The following DIAPH1 variants were observed in gnomAD, a reference collection of about 807,000 sequenced individuals.
DIAPH1 encodes diaphanous related formin 1.
A neutral mutation model predicts 140.7 loss-of-function variants in DIAPH1; 46 were observed. That is an observed-to-expected ratio of 0.33 (90% CI 0.26 to 0.42). DIAPH1 has a LOEUF of 0.42. DIAPH1 is among the 10% of genes least tolerant of loss of function. DIAPH1 has a pLI of 1.00. For synonymous variants in DIAPH1, 565 were observed against 551.6 expected, an observed-to-expected ratio of 1.02 and a Z score of -0.34; for missense variants, 1,310 against 1,558.7, an observed-to-expected ratio of 0.84 and a Z score of 2.69.
Position 141,601,141 on chromosome 5 carries a change from G to A in DIAPH1, c.118-12891C>T, listed in dbSNP as rs571642532. Among the ~76,000 whole-genome samples the A allele has an allele frequency of 7.2e-5, 11 of 151,848 alleles. No homozygotes were observed. The East Asian group carries it at 9.7e-4, about 13-fold the overall frequency. On this transcript the variant is annotated intron_variant, in intron 1 of 27. Coordinates refer to ENST00000389054, the MANE Select transcript of DIAPH1 (RefSeq NM_005219.5). ...CACCTAATGTAAATTACAAGTTAAC[G>A]GGTGCAGCACACCAACATGGCACAT...
At chr5:141,574,653 G>T (rs573026052) in intron 15 of DIAPH1, among the ~76,000 whole-genome samples, 2 of 152,078 alleles carry the variant, frequency 1.3e-5, no homozygotes, top group East Asian at 3.9e-4. Flanking sequence ...TAAAATAACA[G>T]GAAATTAGTC....
chr5:141,558,815 C>T (rs2099893063), intron 18 of DIAPH1, among the ~76,000 whole-genome samples: 1 of 151,472 alleles, frequency 6.6e-6, no homozygotes, highest in Non-Finnish European at 1.5e-5. Context: ...ATGGTTGCCA[C>T]TACTTAAATG....
intron 18 of DIAPH1, among the ~76,000 whole-genome samples, chr5:141,541,440 C>T (rs2154595378): frequency 6.6e-6 from 1 of 152,122 alleles, no homozygotes; most frequent in Admixed American, 6.5e-5. Context: ...GTAATCCCAG[C>T]ACTTTGGGAG....
At chr5:141,521,848 A>G (rs1485685549) in intron 27 of DIAPH1, among the ~76,000 whole-genome samples, 1 of 152,076 alleles carries the variant, frequency 6.6e-6, no homozygotes, top group African/African-American at 2.4e-5. Context: ...TCTCCTCTTA[A>G]TCCTGTTGTC....
At chr5:141,590,173 A>G (rs1269242080) in intron 1 of DIAPH1, among the ~76,000 whole-genome samples, 1 of 152,216 alleles carries the variant, frequency 6.6e-6, no homozygotes, top group Non-Finnish European at 1.5e-5. Context: ...CGTTCCCCAT[A>G]TAACACAATT....
intron 18 of DIAPH1, among the ~76,000 whole-genome samples, chr5:141,543,787 C>A (rs1355859900): frequency 6.6e-6 from 1 of 152,120 alleles, no homozygotes; most frequent in African/African-American, 2.4e-5. Flanking sequence ...AGCATCTGTA[C>A]ACACACAAAA....
chr5:141,552,904 T>C (rs982474573), intron 18 of DIAPH1, among the ~76,000 whole-genome samples: 1 of 152,160 alleles, frequency 6.6e-6, no homozygotes, highest in African/African-American at 2.4e-5. Context: ...CCTCCAGAAC[T>C]GTGAGAAATA....
intron 1 of DIAPH1, among the ~76,000 whole-genome samples, chr5:141,594,016 G>C (rs1301016715): frequency 6.6e-6 from 1 of 152,104 alleles, no homozygotes; most frequent in Non-Finnish European, 1.5e-5. Flanking sequence ...GGCTGGTCTG[G>C]AACTCCTGAC....
At chr5:141,542,801 C>T (rs1269598198) in intron 18 of DIAPH1, among the ~76,000 whole-genome samples, 2 of 152,094 alleles carry the variant, frequency 1.3e-5, no homozygotes, top group Non-Finnish European at 2.9e-5. Context: ...TATGAGTATA[C>T]CAAATGCCAC....
rs1450707627 is a variant in DIAPH1, at chr5:141,598,410, A to C, written c.118-10160T>G. Among the ~76,000 whole-genome samples, 2 of 152,238 alleles carry C rather than the reference A, an allele frequency of 1.3e-5. 1 individual carries two copies. Among genetic ancestry groups the C allele is most frequent in the Admixed American group, 1.3e-4 (2 of 15,288 alleles). ...AAAATGAGCTTCTCTTCTCCAAAAG[A>C]TTCTCAGTGCTATCAAATCTTACTT... On this transcript the variant is annotated intron_variant, in intron 1 of 27. Transcript: ENST00000389054.
At chr5:141,521,486 T>C (rs2099886531) in intron 27 of DIAPH1, among the ~76,000 whole-genome samples, 1 of 152,214 alleles carries the variant, frequency 6.6e-6, no homozygotes, top group Non-Finnish European at 1.5e-5. Context: ...TTGCTTTTAA[T>C]GAACCAAGCC....
At chr5:141,526,843 C>T (rs563989966) in intron 24 of DIAPH1, among the ~76,000 whole-genome samples, 4 of 139,836 alleles carry the variant, frequency 2.9e-5, no homozygotes, top group Admixed American at 2.2e-4. Context: ...ACTACAGGCG[C>T]GCACCATCAC....
chr5:141,609,180 A>AG (rs1388855502), intron 1 of DIAPH1, among the ~76,000 whole-genome samples: 2 of 151,520 alleles, frequency 1.3e-5, no homozygotes, highest in African/African-American at 4.9e-5. Flanking sequence ...AAAAAAAAAA[A>AG]AAAAAAACAG....
intron 9 of DIAPH1, 24 bp downstream of exon 9, chr5:141,579,064 C>A: frequency 6.4e-7 from 1 of 1,552,620 alleles, no homozygotes; most frequent in Non-Finnish European, 8.9e-7. Flanking sequence ...TATTCTTGGG[C>A]CCAGTTTCAG....
intron 18 of DIAPH1, among the ~76,000 whole-genome samples, chr5:141,558,746 T>C (rs1326506470): frequency 6.6e-6 from 1 of 152,014 alleles, no homozygotes; most frequent in Non-Finnish European, 1.5e-5. Context: ...AAAAAGAACA[T>C]GTAAGAAAGG....
intron 15 of DIAPH1, 68 bp downstream of exon 15, chr5:141,574,899 G>A: frequency 2.6e-6 from 4 of 1,554,346 alleles, no homozygotes; most frequent in Non-Finnish European, 8.9e-7. Context: ...CGAGATGACT[G>A]ACTCCTGTTC....
At chr5:141,608,020 A>G (rs1470658805) in intron 1 of DIAPH1, among the ~76,000 whole-genome samples, 1 of 152,286 alleles carries the variant, frequency 6.6e-6, no homozygotes, top group East Asian at 1.9e-4. Context: ...AATTAGTGGT[A>G]AAGACACAAC....
chr5:141,517,418 C>T (rs1388028568), intron 27 of DIAPH1, among the ~76,000 whole-genome samples: 1 of 152,146 alleles, frequency 6.6e-6, no homozygotes, highest in East Asian at 1.9e-4. Flanking sequence ...CTTGACAGGT[C>T]CCAGGAAACT....
chr5:141,534,247 A>AT, intron 19 of DIAPH1, 88 bp downstream of exon 19: 1 of 1,037,804 alleles, frequency 9.6e-7, no homozygotes. Context: ...TTAAAGTTCC[A>AT]TATCAAGGGA....
Sources: allele counts gnomAD v4.1 joint callset (sites outside exome capture counted in the v4.1 genomes callset), GRCh38; gene constraint gnomAD v4.1.1; transcripts MANE v1.5; gene names NCBI Gene and HGNC (gene_info 2026-07-23, HGNC 2026-07-21).